CUBN: variants seen among roughly 807,000 people sequenced by gnomAD.
The protein encoded by CUBN is 460 kDa receptor.
Under a neutral mutation model 405.3 loss-of-function variants are expected in CUBN, and 282 were observed. The observed-to-expected ratio is 0.70, with a 90% CI of 0.63 to 0.77. The LOEUF (loss-of-function observed/expected upper bound fraction) is 0.77. Among genes scored for constraint, CUBN ranks in the 30% least tolerant of loss-of-function variants. The probability of loss-of-function intolerance (pLI) is 0.00; values close to 1 mark genes in which losing one functional copy is unlikely to be tolerated. For missense variants in CUBN, 4,514 were observed against 4,475.2 expected, an observed-to-expected ratio of 1.01 and a Z score of -0.25; for synonymous variants, 1,684 against 1,617.0, an observed-to-expected ratio of 1.04 and a Z score of -0.99.
At chr10:16,865,444 C>T (rs1840152864) in intron 59 of CUBN, among the ~76,000 whole-genome samples, 1 of 152,062 alleles carries the variant, frequency 6.6e-6, no homozygotes, top group African/African-American at 2.4e-5. Flanking sequence ...GACAGTGGCC[C>T]TCGTCATCAG....
In CUBN at chr10:16,831,431, T is replaced by C. The variant is rs1475052663; in HGVS notation, c.10363-14A>G. On this transcript the variant is annotated splice_polypyrimidine_tract_variant and intron_variant, in intron 64 of 66. Coordinates refer to ENST00000377833, the MANE Select transcript of CUBN (RefSeq NM_001081.4). ...TCCATTTCTCACCTTTAGGAAGGAG[T>C]CATTCATTATTAAACTTACACTTTC... 1 of 1,606,974 alleles carries C rather than the reference T, an allele frequency of 6.2e-7. No individual in the cohort carries two copies.
At chr10:16,854,864 G>C (rs1288975063) in intron 59 of CUBN, among the ~76,000 whole-genome samples, 1 of 151,988 alleles carries the variant, frequency 6.6e-6, no homozygotes, top group Non-Finnish European at 1.5e-5. Flanking sequence ...TCACTGATGT[G>C]TTTGCCATGG....
chr10:17,066,999 A>T (rs1203645099), intron 21 of CUBN, among the ~76,000 whole-genome samples: 1 of 152,136 alleles, frequency 6.6e-6, no homozygotes, highest in African/African-American at 2.4e-5. Context: ...ACTGAAATGG[A>T]TCAACCTGTT....
chr10:16,833,631 G>C (rs12240676), intron 64 of CUBN, among the ~76,000 whole-genome samples: 17,057 of 152,032 alleles, frequency 0.11, 1,104 homozygotes, highest in African/African-American at 0.17. Flanking sequence ...GGGTTGCAGG[G>C]CAGAAAAGAA....
chr10:16,950,579 A>G (rs1842899527), intron 33 of CUBN, among the ~76,000 whole-genome samples: 1 of 152,238 alleles, frequency 6.6e-6, no homozygotes, highest in African/African-American at 2.4e-5. Flanking sequence ...GCGGATTTGC[A>G]CATGGTTGAA....
intron 32 of CUBN, among the ~76,000 whole-genome samples, chr10:16,953,324 C>G (rs780122680): frequency 6.6e-5 from 10 of 152,168 alleles, no homozygotes; most frequent in Non-Finnish European, 1.3e-4. Flanking sequence ...AGAATATAGT[C>G]TGTCTTGCTC....
chr10:16,923,248 A>G (rs1208883389), intron 43 of CUBN, among the ~76,000 whole-genome samples: 3 of 152,122 alleles, frequency 2.0e-5, no homozygotes, highest in Admixed American at 1.3e-4. Context: ...TAAATGTTTG[A>G]CTAATTAATT....
chr10:16,997,307 C>T (rs994416057), intron 28 of CUBN, among the ~76,000 whole-genome samples: 3 of 151,964 alleles, frequency 2.0e-5, no homozygotes, highest in Admixed American at 6.6e-5. Flanking sequence ...TGGTGGCAGG[C>T]ACCTGTAGTC....
intron 56 of CUBN, among the ~76,000 whole-genome samples, chr10:16,886,793 A>AT (rs1840831262): frequency 6.6e-6 from 1 of 152,002 alleles, no homozygotes. Flanking sequence ...ACATATATTA[A>AT]TTTTTTCTTT....
rs1842246633 is a variant in CUBN at position 16,928,182 on chromosome 10, T to C, written c.6246A>G (p.Ala2082=). ...RFTSDSSVTR[A]GFNASFHKSC... ...TCTTGTGAAAGGATGCATTGAAGCC[T>C]GCCCTGGTTACACTGGAGTCCGAGG... is the stretch of plus-strand genomic sequence containing the variant. Residue 2082 remains alanine (A), a synonymous_variant, in exon 41 of 67, where the codon GCA becomes GCG. Transcript: ENST00000377833. 9 of 1,613,934 alleles carry C rather than the reference T, an allele frequency of 5.6e-6. No homozygotes were observed. The highest frequency in any genetic ancestry group is 7.6e-6 in the Non-Finnish European group (9 of 1,179,864).
At position 16,889,706 on chromosome 10, in the gene CUBN, C is replaced by T. The variant is rs1386322509; in HGVS notation, c.8755+665G>A. On this transcript the variant is annotated intron_variant, in intron 55 of 66. Transcript: ENST00000377833. The stretch of plus-strand genomic sequence containing the variant: ...GTCAAGAGATCAAGATCATCCTGGC[C>T]AACATGGTGAAACCCCGTCTCTACT... 2.0e-5 allele frequency among the ~76,000 whole-genome samples: 3 copies of T among 150,422 alleles called. No homozygotes were observed. The East Asian group carries it at 5.9e-4, about 29-fold the overall frequency.
chr10:16,919,827 G>C (rs1841982385), intron 44 of CUBN, 136 bp downstream of exon 44: 1 of 966,816 alleles, frequency 1.0e-6, no homozygotes, highest in Admixed American at 2.0e-5. Context: ...TTTCAGGCCT[G>C]AGCCATTAAG....
At chr10:16,877,774 A>G (rs1291936475) in intron 56 of CUBN, among the ~76,000 whole-genome samples, 1 of 152,186 alleles carries the variant, frequency 6.6e-6, no homozygotes, top group Non-Finnish European at 1.5e-5. Flanking sequence ...ACCATCCCCC[A>G]AAGAAAAATA....
At chr10:16,874,999 T>G (rs1400675909) in intron 57 of CUBN, among the ~76,000 whole-genome samples, 1 of 152,056 alleles carries the variant, frequency 6.6e-6, no homozygotes, top group African/African-American at 2.4e-5. Flanking sequence ...CTGGAAATCA[T>G]TTTTGGAGCT....
At position 16,925,087 on chromosome 10, in the gene CUBN, C is replaced by T. The variant is rs111994034; in HGVS notation, c.6646+154G>A. ...TGATACTTTACTTGAAAAGTAGTCACGATGAGATATTGAATGTATCAAATA... is the reference window on the plus strand; with the variant it reads ...TGATACTTTACTTGAAAAGTAGTCATGATGAGATATTGAATGTATCAAATA... On this transcript the variant is annotated intron_variant, in intron 43 of 66. Transcript: ENST00000377833. 0.13 allele frequency among the ~76,000 whole-genome samples: 19,767 copies of T among 152,024 alleles called. 1,272 individuals are homozygous for T. The highest frequency in any genetic ancestry group is 0.17 in the South Asian group (833 of 4,812).
intron 31 of CUBN, among the ~76,000 whole-genome samples, chr10:16,965,068 C>T (rs1843348500): frequency 6.6e-6 from 1 of 152,178 alleles, no homozygotes; most frequent in African/African-American, 2.4e-5. Context: ...CGCCCCCATC[C>T]CTGCTACATG....
At chr10:17,081,548 T>C (rs1472789476) in intron 17 of CUBN, among the ~76,000 whole-genome samples, 1 of 152,202 alleles carries the variant, frequency 6.6e-6, no homozygotes, top group Non-Finnish European at 1.5e-5. Context: ...GACATCATTT[T>C]AGGGAACAAT....
At chr10:17,017,154 T>C (rs1375275031) in intron 28 of CUBN, among the ~76,000 whole-genome samples, 1 of 152,138 alleles carries the variant, frequency 6.6e-6, no homozygotes, top group Non-Finnish European at 1.5e-5. Flanking sequence ...CCCGTGCTTT[T>C]GGTTTGTTTT....
intron 28 of CUBN, among the ~76,000 whole-genome samples, chr10:17,019,170 A>C (rs1834426045): frequency 6.6e-6 from 1 of 152,132 alleles, no homozygotes; most frequent in Non-Finnish European, 1.5e-5. Flanking sequence ...CCACTTGCAG[A>C]TTGGCCCACC....
Sources: allele counts gnomAD v4.1 joint callset (sites outside exome capture counted in the v4.1 genomes callset), GRCh38; gene constraint gnomAD v4.1.1; transcripts MANE v1.5; gene names NCBI Gene and HGNC (gene_info 2026-07-23, HGNC 2026-07-21).